Variants in GINS1 observed in about 807,000 individuals in gnomAD.
GINS1 encodes GINS complex subunit 1.
GINS1 carries 26 observed loss-of-function variants against 34.9 expected under a neutral mutation model. That is an observed-to-expected ratio of 0.74 (90% CI 0.55 to 1.03). The LOEUF (loss-of-function observed/expected upper bound fraction) is 1.03, where lower values mean the gene tolerates loss of function less well. GINS1 is among the 50% of genes least tolerant of loss of function. The pLI is 0.00. For missense variants in GINS1, 235 were observed against 237.9 expected (o/e 0.99, Z 0.08); for synonymous variants, 97 against 84.4 (o/e 1.15, Z -0.82).
intron 2 of GINS1, among the ~76,000 whole-genome samples, chr20:25,414,175 C>A (rs1417902293): frequency 9.9e-6 from 1 of 100,618 alleles, no homozygotes; most frequent in Non-Finnish European, 1.8e-5. Flanking sequence ...GGCGATAGGG[C>A]AAGACTCTGT....
intron 4 of GINS1, among the ~76,000 whole-genome samples, chr20:25,424,571 T>A (rs2090379712): frequency 6.6e-6 from 1 of 152,322 alleles, no homozygotes; most frequent in South Asian, 2.1e-4. Flanking sequence ...CATTCTTATT[T>A]GAGAATATTT....
intron 1 of GINS1, among the ~76,000 whole-genome samples, chr20:25,412,642 G>T (rs1195854933): frequency 6.6e-6 from 1 of 151,934 alleles, no homozygotes; most frequent in East Asian, 1.9e-4. Context: ...TGATATCTTT[G>T]TTCGTCAATT....
chr20:25,414,439 G>A (rs76807388), intron 2 of GINS1, among the ~76,000 whole-genome samples: 1,930 of 152,176 alleles, frequency 0.013, 44 homozygotes, highest in African/African-American at 0.041. Context: ...GGCTGGACAC[G>A]GTGGCTCATG....
chr20:25,439,102 A>G (rs913390839), intron 5 of GINS1, among the ~76,000 whole-genome samples: 5 of 152,190 alleles, frequency 3.3e-5, no homozygotes, highest in African/African-American at 1.2e-4. Flanking sequence ...TAATGCTTGT[A>G]ACCCTTTATT....
chr20:25,425,146 G>A, intron 4 of GINS1, 65 bp from the exon 5 acceptor site: 1 of 745,042 alleles, frequency 1.3e-6, no homozygotes, highest in Non-Finnish European at 2.4e-6. Flanking sequence ...GTTTTCGAAT[G>A]GATGATATTC....
chr20:25,440,153 A>G (rs892341573), intron 5 of GINS1, among the ~76,000 whole-genome samples: 10 of 152,056 alleles, frequency 6.6e-5, no homozygotes, highest in Middle Eastern at 6.8e-3. Context: ...GGCACGCACC[A>G]CCACACCCAG....
At chr20:25,425,170 T>C (rs781729069) in intron 4 of GINS1, 41 bp from the exon 5 acceptor site, 1 of 861,732 alleles carries the variant, frequency 1.2e-6, no homozygotes, top group Non-Finnish European at 2.0e-6. Flanking sequence ...GTGTGCAAGT[T>C]TTCTTAGAAT....
At chr20:25,424,593 C>CA (rs2090379911) in intron 4 of GINS1, among the ~76,000 whole-genome samples, 1 of 152,178 alleles carries the variant, frequency 6.6e-6, no homozygotes, top group African/African-American at 2.4e-5. Flanking sequence ...CATCACCCTA[C>CA]AAAGAAGCCC....
At position 25,446,157 on chromosome 20, in the gene GINS1, C is replaced by T. The variant is rs568173225; in HGVS notation, c.*166C>T. ...AGTATAATTTGCTAACTATTAAGGA[C>T]TTTCTTTTTTTAATGTTGTACACTA... On this transcript the variant is annotated 3_prime_UTR_variant, in exon 7 of 7. Coordinates refer to ENST00000262460, the MANE Select transcript of GINS1 (RefSeq NM_021067.5). 5 of 474,050 alleles carry T rather than the reference C, an allele frequency of 1.1e-5. No homozygotes were observed. In the East Asian group the frequency reaches 1.6e-4, roughly 15 times the overall value. 29.4% of individuals were successfully genotyped at this position (474,050 alleles called of 1,614,324 possible).
In GINS1 at chr20:25,448,344, C is replaced by T. The variant is rs971678610; in HGVS notation, c.*2353C>T. 2.0e-5 allele frequency: 3 copies of T among 152,152 alleles called. No individual in the cohort carries two copies. Among genetic ancestry groups the T allele is most frequent in the African/African-American group, 7.2e-5 (3 of 41,442 alleles). 9.4% of individuals were successfully genotyped at this position (152,152 alleles called of 1,614,324 possible). On this transcript the variant is annotated 3_prime_UTR_variant, in exon 7 of 7. Coordinates refer to ENST00000262460, the MANE Select transcript of GINS1 (RefSeq NM_021067.5). Reference sequence around the variant, plus strand: ...TCTCTTAATAATCTTTTGTAGTTTTCAGTGTACAGGTCTACCATGTCAGCA... The same window carrying T: ...TCTCTTAATAATCTTTTGTAGTTTTTAGTGTACAGGTCTACCATGTCAGCA...
intron 5 of GINS1, among the ~76,000 whole-genome samples, chr20:25,437,980 G>C (rs745766077): frequency 6.6e-6 from 1 of 151,960 alleles, no homozygotes; most frequent in Non-Finnish European, 1.5e-5. Context: ...TTAGCCAGGC[G>C]TGGTGGCGGG....
At chr20:25,409,524 A>G (rs925592471) in intron 1 of GINS1, among the ~76,000 whole-genome samples, 2 of 152,200 alleles carry the variant, frequency 1.3e-5, no homozygotes, top group African/African-American at 4.8e-5. Context: ...TCCTTAGGAA[A>G]CTGGGTAAAC....
In GINS1 at chr20:25,446,242, C is replaced by A; in HGVS notation, c.*251C>A. 1 of 332,228 alleles carries A rather than the reference C, an allele frequency of 3.0e-6. No homozygotes were observed. The highest frequency in any genetic ancestry group is 9.5e-5 in the South Asian group (1 of 10,512). The allele number at this position is 332,228 out of a possible 1,614,324, so 20.6% of individuals were successfully genotyped here. A position where few individuals can be genotyped will look rare whatever the true frequency, so the allele number is the denominator to read the frequency against. On this transcript the variant is annotated 3_prime_UTR_variant, in exon 7 of 7. Transcript: ENST00000262460. Reference sequence around the variant, plus strand: ...TGTAGAGACTGTCTCACTATGTTGCCCAAGCTGGTCTCAAACTCCTGGCCT... The same window carrying A: ...TGTAGAGACTGTCTCACTATGTTGCACAAGCTGGTCTCAAACTCCTGGCCT...
chr20:25,441,166 T>C (rs1469664346), intron 5 of GINS1, among the ~76,000 whole-genome samples: 1 of 152,190 alleles, frequency 6.6e-6, no homozygotes, highest in Non-Finnish European at 1.5e-5. Context: ...GAGGTAGATA[T>C]CAGAATGCTA....
intron 1 of GINS1, 181 bp from the exon 2 acceptor site, chr20:25,413,609 C>T (rs973930458): frequency 8.6e-6 from 5 of 579,644 alleles, no homozygotes; most frequent in Non-Finnish European, 1.2e-5. Flanking sequence ...CAGCAATGTA[C>T]GAGGGTTCCA....
intron 4 of GINS1, among the ~76,000 whole-genome samples, chr20:25,418,766 T>C (rs2090336804): frequency 6.6e-6 from 1 of 152,232 alleles, no homozygotes; most frequent in Non-Finnish European, 1.5e-5. Context: ...TCACACAAGC[T>C]TTGATGTCCA....
chr20:25,444,865 A>G (rs1480003054), intron 6 of GINS1, among the ~76,000 whole-genome samples: 1 of 152,190 alleles, frequency 6.6e-6, no homozygotes, highest in Non-Finnish European at 1.5e-5. Flanking sequence ...GGTCATGAAT[A>G]CTTTTCAACC....
rs2090524702 is a variant in GINS1 at position 25,448,437 on chromosome 20, G to C, written c.*2446G>C. 6.6e-6 allele frequency: 1 copy of C among 151,808 alleles called. No homozygotes were observed. Among genetic ancestry groups the C allele is most frequent in the Admixed American group, 6.6e-5 (1 of 15,254 alleles). 9.4% of individuals were successfully genotyped at this position (151,808 alleles called of 1,614,324 possible). ...TCTAACCACTTGTTGCTAGTAAATAGAAATACAATTGATGTTGAACTTGTA... is the reference window on the plus strand; with the variant it reads ...TCTAACCACTTGTTGCTAGTAAATACAAATACAATTGATGTTGAACTTGTA... On this transcript the variant is annotated 3_prime_UTR_variant, in exon 7 of 7. Transcript: ENST00000262460.
intron 5 of GINS1, among the ~76,000 whole-genome samples, chr20:25,428,315 C>T (rs1386181724): frequency 6.7e-6 from 1 of 150,032 alleles, no homozygotes; most frequent in Admixed American, 6.6e-5. Context: ...TGATCCATTT[C>T]AAGTTAATTT....
Sources: allele counts gnomAD v4.1 joint callset (sites outside exome capture counted in the v4.1 genomes callset), GRCh38; gene constraint gnomAD v4.1.1; transcripts MANE v1.5; gene names NCBI Gene and HGNC (gene_info 2026-07-23, HGNC 2026-07-21).